GXYLT1: variants seen among roughly 807,000 people sequenced by gnomAD.
The protein encoded by GXYLT1 is glucoside xylosyltransferase 1, also known as glycosyltransferase 8 domain containing 3.
A neutral mutation model predicts 54.0 loss-of-function variants in GXYLT1; 29 were observed. The ratio of observed to expected loss-of-function variants is 0.54; its 90% CI spans 0.40 to 0.73. GXYLT1 has a LOEUF of 0.73. Ranked by LOEUF, GXYLT1 falls within the 30% of genes least tolerant of loss-of-function variation. The probability of loss-of-function intolerance (pLI) is 0.00; values close to 1 mark genes in which losing one functional copy is unlikely to be tolerated. For missense variants in GXYLT1, 490 were observed against 553.4 expected (o/e 0.89, Z 1.15); for synonymous variants, 176 against 204.1 (o/e 0.86, Z 1.17).
Position 42,098,784 on chromosome 12 carries a change from T to TATATATATATATAA in GXYLT1, c.865-752_865-751insTTATATATATATAT, listed in dbSNP as rs1017764424. Among the ~76,000 whole-genome samples the TATATATATATATAA allele has an allele frequency of 1.2e-3, 165 of 134,386 alleles. 1 individual carries two copies. Among genetic ancestry groups the TATATATATATATAA allele is most frequent in the Admixed American group, 1.9e-3 (25 of 13,290 alleles). 88.2% of individuals were successfully genotyped at this position (134,386 alleles called of 152,430 possible). A position where few individuals can be genotyped will look rare whatever the true frequency, so the allele number is the denominator to read the frequency against. On this transcript the variant is annotated intron_variant, in intron 5 of 7. Coordinates refer to ENST00000398675, the MANE Select transcript of GXYLT1 (RefSeq NM_173601.2). The stretch of plus-strand genomic sequence containing the variant: ...ACATATATATATATATATATATATA[T>TATATATATATATAA]AATACATGTGTGTGTATATATACAT...
At chr12:42,130,457 A>C (rs2065587582) in intron 1 of GXYLT1, among the ~76,000 whole-genome samples, 1 of 152,192 alleles carries the variant, frequency 6.6e-6, no homozygotes, top group Non-Finnish European at 1.5e-5. Flanking sequence ...TTATTATCAA[A>C]AAGGCAAAAA....
intron 5 of GXYLT1, among the ~76,000 whole-genome samples, chr12:42,103,121 C>T (rs1048802227): frequency 3.3e-5 from 5 of 151,984 alleles, no homozygotes; most frequent in African/African-American, 1.2e-4. Context: ...CCATGCACAG[C>T]TCATTTTTTC....
chr12:42,105,879 G>C lies in GXYLT1; in HGVS notation c.803C>G (p.Thr268Ser). 3 of 1,613,594 alleles carry C rather than the reference G, an allele frequency of 1.9e-6. No homozygotes were observed. The highest frequency in any genetic ancestry group is 2.5e-6 in the Non-Finnish European group (3 of 1,179,586). Reference protein sequence around the residue: ...RFARHPYYGKTGVNSGVMLMN... With the variant: ...RFARHPYYGKSGVNSGVMLMN... ...CAACATAACTCCAGAGTTTACTCCA[G>C]TTTTTCCATAATATGGATGCCTAGC... Residue 268 changes from threonine to serine, a missense_variant, in exon 5 of 8, where the codon ACT becomes AGT. This residue lies in a region of GXYLT1 where 342 missense variants were observed against 342.6 expected (regional missense o/e 1.00). Transcript: ENST00000398675.
rs1034176325 is a variant in GXYLT1, at chr12:42,140,206, G to GC, written c.221+4219_221+4220insG. On this transcript the variant is annotated intron_variant, in intron 1 of 7. Transcript: ENST00000398675. ...AAAAAAAAAAAAAAAAAGGCGGGGG[G>GC]GGGGGGACTTCACTAAAAACAGTAG... 6.7e-5 allele frequency among the ~76,000 whole-genome samples: 9 copies of GC among 134,552 alleles called. 1 individual carries two copies. The highest frequency in any genetic ancestry group is 1.3e-4 in the Non-Finnish European group (8 of 63,032). 88.3% of individuals were successfully genotyped at this position (134,552 alleles called of 152,430 possible).
intron 2 of GXYLT1, among the ~76,000 whole-genome samples, chr12:42,128,668 C>T (rs1205704833): frequency 6.6e-6 from 1 of 152,112 alleles, no homozygotes; most frequent in Non-Finnish European, 1.5e-5. Flanking sequence ...CCTAGCACAG[C>T]GTGTGGCAAA....
chr12:42,096,154 C>T (rs917583124), intron 7 of GXYLT1, among the ~76,000 whole-genome samples: 8 of 152,050 alleles, frequency 5.3e-5, no homozygotes, highest in Admixed American at 4.6e-4. Context: ...CAGGTGTGAA[C>T]ACATTAACAT....
At position 42,087,923 on chromosome 12, in the gene GXYLT1, G is replaced by A. The variant is rs939393048; in HGVS notation, c.1186C>T (p.Arg396Cys). The A allele has an allele frequency of 5.8e-6, 9 of 1,555,846 alleles. No homozygotes were observed. Among genetic ancestry groups the A allele is most frequent in the Middle Eastern group, 1.7e-4 (1 of 5,846 alleles). Residue 396 changes from arginine to cysteine, a missense_variant, in exon 8 of 8, where the codon CGT becomes TGT. Coordinates refer to ENST00000398675, the MANE Select transcript of GXYLT1 (RefSeq NM_173601.2). ...RNCSFEDDNI[R>C]SLLKPLELEL... ...AGTTCTAAAGGTTTTAATAAGGAAC[G>A]GATGTTGTCATCTTCAAAAGAACAC...
intron 2 of GXYLT1, among the ~76,000 whole-genome samples, chr12:42,127,991 ATAC>A (rs1316205508): frequency 3.9e-5 from 6 of 152,250 alleles, no homozygotes; most frequent in Non-Finnish European, 8.8e-5. Context: ...CATGGGATGC[ATAC>A]TGTATTGAGA....
intron 2 of GXYLT1, among the ~76,000 whole-genome samples, chr12:42,121,552 T>G (rs146708979): frequency 1.3e-5 from 2 of 151,972 alleles, no homozygotes; most frequent in East Asian, 3.9e-4. Context: ...GTTGCTCGAG[T>G]CCAGGAGTCC....
chr12:42,142,009 A>G (rs1016019805), intron 1 of GXYLT1, among the ~76,000 whole-genome samples: 1 of 152,218 alleles, frequency 6.6e-6, no homozygotes, highest in Non-Finnish European at 1.5e-5. Context: ...CTGGGTACAA[A>G]CCTAGATCCC....
Position 42,097,927 on chromosome 12 carries a change from A to T in GXYLT1, c.971T>A (p.Val324Glu). 1.9e-6 allele frequency: 3 copies of T among 1,589,494 alleles called. No individual in the cohort carries two copies. The highest frequency in any genetic ancestry group is 2.6e-6 in the Non-Finnish European group (3 of 1,166,238). Residue 324 changes from valine to glutamate, a missense_variant, in exon 6 of 8, where the codon GTG (valine) becomes GAG (glutamate). This residue lies in a region of GXYLT1 where 342 missense variants were observed against 342.6 expected (regional missense o/e 1.00). Coordinates refer to ENST00000398675, the MANE Select transcript of GXYLT1 (RefSeq NM_173601.2). ...TWGDQDLLNI[V>E]FFHNPESLFV... ...ATAATTACCTGGATTATGAAAAAAC[A>T]CGATATTCAATAGATCTTGATCACC...
At chr12:42,113,220 G>C (rs11181334) in intron 3 of GXYLT1, among the ~76,000 whole-genome samples, 81,428 of 150,556 alleles carry the variant, frequency 0.54, 22,856 homozygotes, top group South Asian at 0.7. Context: ...GAAACTACAT[G>C]AACTAACGAG....
intron 7 of GXYLT1, among the ~76,000 whole-genome samples, chr12:42,094,351 CA>C (rs11406709): frequency 0.019 from 1,454 of 74,642 alleles, 25 homozygotes; most frequent in East Asian, 0.14. Flanking sequence ...AACCCTGCCT[CA>C]AAAAAAAAAA....
Position 42,136,486 on chromosome 12 carries a change from C to T in GXYLT1, c.222-6635G>A, listed in dbSNP as rs533041417. 9.1e-4 allele frequency among the ~76,000 whole-genome samples: 139 copies of T among 152,252 alleles called. 1 individual carries two copies. The highest frequency in any genetic ancestry group is 2.9e-3 in the South Asian group (14 of 4,828). On this transcript the variant is annotated intron_variant, in intron 1 of 7. Transcript: ENST00000398675. ...AAAGCACTGAAGTCCTAAAAGGGAA[C>T]TTTTTCACTGTGGATCAAACTGAAA... is the stretch of plus-strand genomic sequence containing the variant.
In GXYLT1 at chr12:42,087,748, C is replaced by T. The variant is rs746226052; in HGVS notation, c.*38G>A. ...ATTCCTTCACACTTATCTTCTGATT[C>T]TTTGTTTTCATCCATTTGATTAAGC... On this transcript the variant is annotated 3_prime_UTR_variant, in exon 8 of 8. Transcript: ENST00000398675. 2.9e-5 allele frequency: 42 copies of T among 1,451,126 alleles called. No homozygotes were observed. The highest frequency in any genetic ancestry group is 4.0e-5 in the Non-Finnish European group (42 of 1,055,674). 89.9% of individuals were successfully genotyped at this position (1,451,126 alleles called of 1,614,324 possible).
At chr12:42,141,561 CT>C (rs932410662) in intron 1 of GXYLT1, among the ~76,000 whole-genome samples, 5 of 151,820 alleles carry the variant, frequency 3.3e-5, no homozygotes, top group African/African-American at 7.3e-5. Flanking sequence ...AAAAAAAACC[CT>C]ATGTGAAGTG....
intron 5 of GXYLT1, among the ~76,000 whole-genome samples, chr12:42,102,413 G>A (rs1277274422): frequency 6.6e-6 from 1 of 152,144 alleles, no homozygotes; most frequent in African/African-American, 2.4e-5. Flanking sequence ...CATACAAAGT[G>A]TTCCCTTTTC....
chr12:42,115,165 G>A (rs2065485803), intron 3 of GXYLT1, among the ~76,000 whole-genome samples: 1 of 152,150 alleles, frequency 6.6e-6, no homozygotes, highest in South Asian at 2.1e-4. Context: ...CAAACCCACA[G>A]CTAATATCAT....
Position 42,109,692 on chromosome 12 carries a change from C to T in GXYLT1, c.487-1G>A. 1 of 1,478,006 alleles carries T rather than the reference C, an allele frequency of 6.8e-7. No homozygotes were observed. Among genetic ancestry groups the T allele is most frequent in the Non-Finnish European group, 9.2e-7 (1 of 1,084,998 alleles). The allele number at this position is 1,478,006 out of a possible 1,614,324, so 91.6% of individuals were successfully genotyped here. On this transcript the variant is annotated splice_acceptor_variant, in intron 3 of 7. Transcript: ENST00000398675. LOFTEE classifies it high-confidence loss of function. The stretch of plus-strand genomic sequence containing the variant: ...TTTGTAGAAATGACCAGTTGTCAAG[C>T]TAAAACAATTTAAAAAAAAACTGTT...
Sources: gnomAD v4.1 joint callset for allele counts (sites outside exome capture counted in the v4.1 genomes callset) on GRCh38, gnomAD v4.1.1 for gene constraint, gnomAD v4.1.1 regional missense constraint, MANE v1.5 for transcripts, NCBI Gene and HGNC (gene_info 2026-07-23, HGNC 2026-07-21) for gene names.